NAV3: variants seen among roughly 807,000 people sequenced by gnomAD.
NAV3 encodes the protein neuron navigator 3, also known as pore membrane and/or filament interacting like protein 1.
In NAV3, 87 loss-of-function variants were observed where a neutral mutation model predicts 244.7. The ratio of observed to expected loss-of-function variants is 0.36; its 90% CI spans 0.30 to 0.42. NAV3 has a LOEUF of 0.42. Ranked by LOEUF, NAV3 falls within the 20% of genes least tolerant of loss-of-function variation. The probability of loss-of-function intolerance (pLI) is 1.00; values close to 1 mark genes in which losing one functional copy is unlikely to be tolerated. For synonymous variants in NAV3, 1,126 were observed against 1,042.2 expected, an observed-to-expected ratio of 1.08 and a Z score of -1.55; for missense variants, 2,663 against 2,893.3, an observed-to-expected ratio of 0.92 and a Z score of 1.83.
intron 2 of NAV3, among the ~76,000 whole-genome samples, chr12:77,618,291 A>C (rs184798597): frequency 6.6e-6 from 1 of 152,328 alleles, no homozygotes; most frequent in East Asian, 1.9e-4. Flanking sequence ...TTACTACTTT[A>C]AGCCATTAAG....
chr12:78,179,716 G>T, intron 29 of NAV3, 34 bp downstream of exon 29: 1 of 1,571,818 alleles, frequency 6.4e-7, no homozygotes, highest in Non-Finnish European at 8.6e-7. Flanking sequence ...GAATAAAATG[G>T]AGAAACAAAA....
chr12:78,029,404 A>G (rs1878608936), intron 9 of NAV3, among the ~76,000 whole-genome samples: 1 of 152,216 alleles, frequency 6.6e-6, no homozygotes, highest in African/African-American at 2.4e-5. Context: ...ATAGAAATGC[A>G]TGATGATCTT....
intron 1 of NAV3, among the ~76,000 whole-genome samples, chr12:77,906,909 G>A (rs1387400022): frequency 6.6e-6 from 1 of 151,992 alleles, no homozygotes; most frequent in East Asian, 1.9e-4. Flanking sequence ...AAATACAGTT[G>A]CCAACTTCTG....
chr12:77,600,503 G>A (rs916614867), intron 2 of NAV3, among the ~76,000 whole-genome samples: 4 of 151,932 alleles, frequency 2.6e-5, no homozygotes, highest in Admixed American at 2.0e-4. Context: ...CATATAGGCT[G>A]TTCTCACCAT....
chr12:77,991,128 C>G (rs1353740879), intron 5 of NAV3, among the ~76,000 whole-genome samples: 1 of 152,076 alleles, frequency 6.6e-6, no homozygotes, highest in Admixed American at 6.6e-5. Context: ...TGGGTTCAAG[C>G]AATTCTCCTG....
chr12:77,706,971 T>C (rs7976129), intron 2 of NAV3, among the ~76,000 whole-genome samples: 3,518 of 151,288 alleles, frequency 0.023, 176 homozygotes, highest in African/African-American at 0.08. Context: ...ATATTTCACC[T>C]GCTTGGGCTG....
chr12:77,797,103 A>G (rs932254299), intron 2 of NAV3, among the ~76,000 whole-genome samples: 4 of 152,148 alleles, frequency 2.6e-5, no homozygotes, highest in African/African-American at 9.7e-5. Context: ...GAGAATGGAG[A>G]TAATGGGTGT....
chr12:77,784,548 G>A (rs1323284541), intron 2 of NAV3, among the ~76,000 whole-genome samples: 1 of 152,080 alleles, frequency 6.6e-6, no homozygotes, highest in Non-Finnish European at 1.5e-5. Flanking sequence ...GTAGGGCAGG[G>A]AAAAATCTAT....
intron 2 of NAV3, among the ~76,000 whole-genome samples, chr12:77,766,209 G>A (rs1034494503): frequency 6.6e-6 from 1 of 152,186 alleles, no homozygotes. Context: ...GGAGCTGGAG[G>A]AAAAGGAAGA....
At chr12:77,729,487 C>G (rs1457645906) in intron 2 of NAV3, among the ~76,000 whole-genome samples, 3 of 151,836 alleles carry the variant, frequency 2.0e-5, no homozygotes, top group Admixed American at 1.3e-4. Context: ...AAGAAAAAGG[C>G]ATGGGAAAAG....
At chr12:77,673,968 T>C (rs1292684736) in intron 2 of NAV3, among the ~76,000 whole-genome samples, 1 of 152,138 alleles carries the variant, frequency 6.6e-6, no homozygotes, top group Admixed American at 6.6e-5. Flanking sequence ...TTAAAAATAT[T>C]AACTCCCTGA....
At chr12:77,915,654 A>G (rs1415578616) in intron 1 of NAV3, among the ~76,000 whole-genome samples, 1 of 152,038 alleles carries the variant, frequency 6.6e-6, no homozygotes, top group Non-Finnish European at 1.5e-5. Flanking sequence ...TACATTTTCT[A>G]TATCCCTGAA....
At chr12:77,898,767 A>G (rs1346597647) in intron 1 of NAV3, among the ~76,000 whole-genome samples, 1 of 152,232 alleles carries the variant, frequency 6.6e-6, no homozygotes. Context: ...CACTCTAAGA[A>G]ATACATTTCA....
intron 12 of NAV3, among the ~76,000 whole-genome samples, chr12:78,115,671 A>G (rs1485159565): frequency 1.3e-5 from 2 of 152,136 alleles, no homozygotes; most frequent in Non-Finnish European, 2.9e-5. Flanking sequence ...ATAATAACAT[A>G]TTTTTCCTGT....
intron 1 of NAV3, among the ~76,000 whole-genome samples, chr12:77,901,088 G>A (rs1397522713): frequency 6.6e-6 from 1 of 151,474 alleles, no homozygotes; most frequent in South Asian, 2.1e-4. Flanking sequence ...TTTGTTGTTT[G>A]CTTTGATTAA....
chr12:77,821,247 G>A (rs1423315101), intron 2 of NAV3, among the ~76,000 whole-genome samples: 3 of 152,114 alleles, frequency 2.0e-5, no homozygotes, highest in Non-Finnish European at 4.4e-5. Context: ...TAGATCTGAA[G>A]TTTAGAACCT....
intron 1 of NAV3, among the ~76,000 whole-genome samples, chr12:77,909,557 A>G (rs1270761408): frequency 1.3e-5 from 2 of 152,090 alleles, no homozygotes; most frequent in African/African-American, 4.8e-5. Context: ...AGGTAGAACA[A>G]GTTCTTTACT....
chr12:77,768,391 G>A (rs1592664250), intron 2 of NAV3, among the ~76,000 whole-genome samples: 2 of 152,200 alleles, frequency 1.3e-5, no homozygotes, highest in African/African-American at 4.8e-5. Flanking sequence ...GGGTGCCCAG[G>A]CTGTTTGTGC....
At chr12:77,882,481 C>A (rs1882776827) in intron 1 of NAV3, among the ~76,000 whole-genome samples, 1 of 151,960 alleles carries the variant, frequency 6.6e-6, no homozygotes, top group African/African-American at 2.4e-5. Flanking sequence ...ACAAACCCTA[C>A]AAGAAAACCT....
Sources: gnomAD v4.1 joint callset for allele counts (sites outside exome capture counted in the v4.1 genomes callset) on GRCh38, gnomAD v4.1.1 for gene constraint, MANE v1.5 for transcripts, NCBI Gene and HGNC (gene_info 2026-07-23, HGNC 2026-07-21) for gene names.